DLGAP1: variants seen among roughly 807,000 people sequenced by gnomAD.
DLGAP1 encodes the protein DLG associated protein 1.
A neutral mutation model predicts 90.8 loss-of-function variants in DLGAP1; 11 were observed. The ratio of observed to expected loss-of-function variants is 0.12; its 90% CI spans 0.08 to 0.20. The LOEUF (loss-of-function observed/expected upper bound fraction) is 0.20. Ranked by LOEUF, DLGAP1 falls within the 10% of genes least tolerant of loss-of-function variation. The pLI is 1.00. For missense variants in DLGAP1, 1,050 were observed against 1,333.8 expected (o/e 0.79, Z 3.31); for synonymous variants, 558 against 540.7 (o/e 1.03, Z -0.44).
At chr18:4,196,286 G>A (rs947392327) in intron 1 of DLGAP1, among the ~76,000 whole-genome samples, 3 of 152,194 alleles carry the variant, frequency 2.0e-5, no homozygotes, top group Admixed American at 1.3e-4. Flanking sequence ...GAGAACATAA[G>A]GGTGGAAACT....
intron 3 of DLGAP1, among the ~76,000 whole-genome samples, chr18:3,957,846 A>G: frequency 6.6e-6 from 1 of 151,944 alleles, no homozygotes; most frequent in East Asian, 1.9e-4. Context: ...TATTTGATAA[A>G]GGTACCTTGT....
At chr18:3,899,129 G>T (rs2071725898) in intron 3 of DLGAP1, among the ~76,000 whole-genome samples, 1 of 152,172 alleles carries the variant, frequency 6.6e-6, no homozygotes, top group South Asian at 2.1e-4. Flanking sequence ...CAAGTCAAGT[G>T]AAAGAAATAA....
Position 4,148,624 on chromosome 18 carries a change from C to T in DLGAP1, c.-159+2556G>A, listed in dbSNP as rs370723537. ...GATCCTCTTCATCCCTAGTTTGATT[C>T]TGTCTGCTCTTTTTGGTATTTCTGC... On this transcript the variant is annotated intron_variant, in intron 2 of 12. Transcript: ENST00000315677. Among the ~76,000 whole-genome samples the T allele has an allele frequency of 3.3e-5, 5 of 152,298 alleles. No individual in the cohort carries two copies. The East Asian group carries it at 9.7e-4, about 29-fold the overall frequency.
intron 1 of DLGAP1, among the ~76,000 whole-genome samples, chr18:4,410,013 G>A (rs1193180809): frequency 2.0e-5 from 3 of 152,148 alleles, no homozygotes; most frequent in East Asian, 1.9e-4. Context: ...GCAATAACCT[G>A]GAAGAGATCG....
intron 4 of DLGAP1, among the ~76,000 whole-genome samples, chr18:3,825,889 C>T (rs950658877): frequency 2.6e-5 from 4 of 151,992 alleles, no homozygotes; most frequent in Admixed American, 6.6e-5. Flanking sequence ...GCTCATCAAT[C>T]GTAGGTTGGA....
At chr18:4,176,926 C>G (rs2077119002) in intron 1 of DLGAP1, among the ~76,000 whole-genome samples, 1 of 152,124 alleles carries the variant, frequency 6.6e-6, no homozygotes, top group African/African-American at 2.4e-5. Context: ...GTGTGCCCAG[C>G]ATATTTTCCT....
At chr18:4,149,236 C>T (rs2076633548) in intron 2 of DLGAP1, among the ~76,000 whole-genome samples, 1 of 152,156 alleles carries the variant, frequency 6.6e-6, no homozygotes, top group Non-Finnish European at 1.5e-5. Flanking sequence ...CATGGGGACT[C>T]AGATGCATTT....
chr18:3,743,322 C>T (rs1194891708), intron 5 of DLGAP1, among the ~76,000 whole-genome samples: 1 of 151,562 alleles, frequency 6.6e-6, no homozygotes, highest in African/African-American at 2.4e-5. Context: ...CATATATAAT[C>T]AATTTAATGT....
At position 3,891,039 on chromosome 18, in the gene DLGAP1, A is replaced by G. The variant is rs75812599; in HGVS notation, c.-72-10899T>C. ...CTATTTATTGAATAGCTATTATTAC[A>G]TGCAGTGCACTGGGCACTGTAGCAA... On this transcript the variant is annotated intron_variant, in intron 3 of 12. Coordinates refer to ENST00000315677, the MANE Select transcript of DLGAP1 (RefSeq NM_004746.4). Among the ~76,000 whole-genome samples, 613 of 152,372 alleles carry G rather than the reference A, an allele frequency of 4.0e-3. 1 individual carries two copies. The highest frequency in any genetic ancestry group is 6.9e-3 in the Non-Finnish European group (467 of 68,040).
intron 7 of DLGAP1, among the ~76,000 whole-genome samples, chr18:3,640,965 A>G (rs2058914903): frequency 6.6e-6 from 1 of 152,172 alleles, no homozygotes; most frequent in African/African-American, 2.4e-5. Context: ...ATTTGCCCAC[A>G]GTCATATGGC....
At chr18:3,995,313 A>G (rs1242059723) in intron 3 of DLGAP1, 1 of 152,210 alleles carries the variant, frequency 6.6e-6, no homozygotes, top group African/African-American at 2.4e-5. Flanking sequence ...AGAAGAAAAT[A>G]GAAGGAATGG....
intron 4 of DLGAP1, among the ~76,000 whole-genome samples, chr18:3,861,854 C>A (rs2070083961): frequency 6.6e-6 from 1 of 152,230 alleles, no homozygotes; most frequent in Non-Finnish European, 1.5e-5. Context: ...GGGCCTGCCA[C>A]CAATGGCATT....
chr18:3,522,463 T>C (rs2051268751), intron 10 of DLGAP1, among the ~76,000 whole-genome samples: 1 of 151,616 alleles, frequency 6.6e-6, no homozygotes, highest in Non-Finnish European at 1.5e-5. Context: ...CCCCCAATGT[T>C]GTAGACTTTA....
At chr18:3,895,152 C>T (rs554742575) in intron 3 of DLGAP1, among the ~76,000 whole-genome samples, 16 of 152,170 alleles carry the variant, frequency 1.1e-4, no homozygotes, top group African/African-American at 2.9e-4. Context: ...GTTTCCACTT[C>T]GAGCAGTGCG....
intron 1 of DLGAP1, among the ~76,000 whole-genome samples, chr18:4,301,792 A>T (rs1217232337): frequency 6.6e-6 from 1 of 152,110 alleles, no homozygotes; most frequent in African/African-American, 2.4e-5. Flanking sequence ...TTTTCTCCAC[A>T]TCCTTGCCAA....
chr18:4,183,357 A>C (rs1339094558), intron 1 of DLGAP1, among the ~76,000 whole-genome samples: 2 of 152,156 alleles, frequency 1.3e-5, no homozygotes, highest in Non-Finnish European at 2.9e-5. Flanking sequence ...ATTTAGAAAG[A>C]AGAGAGATAT....
At chr18:3,750,256 C>G (rs534532505) in intron 5 of DLGAP1, among the ~76,000 whole-genome samples, 1 of 152,294 alleles carries the variant, frequency 6.6e-6, no homozygotes, top group Non-Finnish European at 1.5e-5. Flanking sequence ...TAATTTGCTT[C>G]AGATGATGGC....
chr18:3,911,648 C>A (rs1258647150), intron 3 of DLGAP1, among the ~76,000 whole-genome samples: 1 of 152,168 alleles, frequency 6.6e-6, no homozygotes, highest in African/African-American at 2.4e-5. Flanking sequence ...ATTTTCAATC[C>A]TACAGAAAAG....
chr18:4,420,588 TAA>T (rs4056379), intron 1 of DLGAP1, among the ~76,000 whole-genome samples: 43,882 of 151,944 alleles, frequency 0.29, 6,803 homozygotes, highest in East Asian at 0.36. Flanking sequence ...TGTCCTCACC[TAA>T]GTTTTCTCAC....
Sources: gnomAD v4.1 joint callset for allele counts (sites outside exome capture counted in the v4.1 genomes callset) on GRCh38, gnomAD v4.1.1 for gene constraint, MANE v1.5 for transcripts, NCBI Gene and HGNC (gene_info 2026-07-23, HGNC 2026-07-21) for gene names.